SLC35A1: variants seen among roughly 807,000 people sequenced by gnomAD.
The protein encoded by SLC35A1 is CMP-sialic acid transporter.
Under a neutral mutation model 40.3 loss-of-function variants are expected in SLC35A1, and 21 were observed. That is an observed-to-expected ratio of 0.52 (90% CI 0.37 to 0.75). The LOEUF is 0.75. SLC35A1 is among the 30% of genes least tolerant of loss of function. The pLI is 0.00. For synonymous variants in SLC35A1, 146 were observed against 147.3 expected, an observed-to-expected ratio of 0.99 and a Z score of 0.06; for missense variants, 297 against 382.1, an observed-to-expected ratio of 0.78 and a Z score of 1.86.
intron 2 of SLC35A1, chr6:87,488,622 AG>A: frequency 6.6e-6 from 1 of 152,246 alleles, no homozygotes; most frequent in Non-Finnish European, 1.5e-5. Flanking sequence ...TAAGCAGGCC[AG>A]GGTAGGTATA....
chr6:87,483,880 C>T (rs897373527), intron 2 of SLC35A1, among the ~76,000 whole-genome samples: 8 of 152,170 alleles, frequency 5.3e-5, no homozygotes, highest in African/African-American at 1.9e-4. Flanking sequence ...TGGTATAAAT[C>T]CCACAGCAGG....
Position 87,479,786 on chromosome 6 carries a change from TATTA to T in SLC35A1, c.194+2251_194+2254del, listed in dbSNP as rs528549065. On this transcript the variant is annotated intron_variant, in intron 2 of 7. Transcript: ENST00000369552. ...ATGTAGTTTATCCAATCTATGTTTT[TATTA>T]ATTGTGACCCACCAAAATATTGACT... is the stretch of plus-strand genomic sequence containing the variant. 2.0e-4 allele frequency among the ~76,000 whole-genome samples: 30 copies of T among 152,352 alleles called. 1 individual carries two copies. The highest frequency in any genetic ancestry group is 7.0e-4 in the African/African-American group (29 of 41,592).
chr6:87,483,887 C>T (rs998446733), intron 2 of SLC35A1, among the ~76,000 whole-genome samples: 2 of 152,182 alleles, frequency 1.3e-5, no homozygotes, highest in Admixed American at 1.3e-4. Context: ...AATCCCACAG[C>T]AGGATCCGCC....
chr6:87,506,758 G>C (rs1582195581), intron 5 of SLC35A1: 1 of 335,496 alleles, frequency 3.0e-6, no homozygotes, highest in Non-Finnish European at 5.7e-6. Context: ...TCTTCAGAAA[G>C]CCCTTTCCTT....
At chr6:87,496,545 G>A (rs913783929) in intron 2 of SLC35A1, among the ~76,000 whole-genome samples, 15 of 151,942 alleles carry the variant, frequency 9.9e-5, no homozygotes, top group East Asian at 1.9e-4. Flanking sequence ...TTGGGAGGCC[G>A]AGGTGGGTGG....
At chr6:87,503,263 T>TA (rs1323600024) in intron 4 of SLC35A1, among the ~76,000 whole-genome samples, 12 of 152,170 alleles carry the variant, frequency 7.9e-5, no homozygotes, top group African/African-American at 2.7e-4. Flanking sequence ...GCAGTCAAGA[T>TA]ACTGGCTAGG....
At chr6:87,490,083 G>T (rs1769502769) in intron 2 of SLC35A1, among the ~76,000 whole-genome samples, 1 of 151,714 alleles carries the variant, frequency 6.6e-6, no homozygotes, top group Admixed American at 6.6e-5. Context: ...ACAAAAATTA[G>T]CTGGGTGTGG....
At position 87,506,033 on chromosome 6, in the gene SLC35A1, CTTAAA is replaced by C. The variant is rs139019479; in HGVS notation, c.508-345_508-341del. ...ATTTTCAGGATTGATGCTATAAGCTCTTAAATTAGAGTGATAATAGAAATTAAAAT... is the reference window on the plus strand; with the variant it reads ...ATTTTCAGGATTGATGCTATAAGCTCTTAGAGTGATAATAGAAATTAAAAT... On this transcript the variant is annotated intron_variant, in intron 4 of 7. Coordinates refer to ENST00000369552, the MANE Select transcript of SLC35A1 (RefSeq NM_006416.5). 9.3e-3 allele frequency among the ~76,000 whole-genome samples: 1,410 copies of C among 152,228 alleles called. 22 individuals carry two copies. The highest frequency in any genetic ancestry group is 0.031 in the African/African-American group (1,303 of 41,530).
At chr6:87,508,136 T>C (rs1411634784) in intron 5 of SLC35A1, among the ~76,000 whole-genome samples, 1 of 152,152 alleles carries the variant, frequency 6.6e-6, no homozygotes, top group Non-Finnish European at 1.5e-5. Flanking sequence ...GTCTTACTGC[T>C]CTAATAAAGG....
chr6:87,490,696 A>C (rs1769525699), intron 2 of SLC35A1, among the ~76,000 whole-genome samples: 1 of 152,226 alleles, frequency 6.6e-6, no homozygotes, highest in Admixed American at 6.5e-5. Flanking sequence ...CAAGAAAACT[A>C]GGCAAAAAAT....
intron 1 of SLC35A1, among the ~76,000 whole-genome samples, chr6:87,474,411 A>G (rs957034728): frequency 9.9e-5 from 15 of 152,208 alleles, no homozygotes; most frequent in African/African-American, 3.4e-4. Context: ...CTTTTGGGGG[A>G]CATTTCCACA....
chr6:87,500,608 G>A lies in SLC35A1; in HGVS notation c.295G>A (p.Ala99Thr). Residue 99 changes from alanine (A) to threonine (T), a missense_variant, in exon 3 of 8, where the codon GCT becomes ACT. Physicochemically the swap from Ala to Thr is moderately conservative, Grantham distance 58 (BLOSUM62 0). Coordinates refer to ENST00000369552, the MANE Select transcript of SLC35A1 (RefSeq NM_006416.5). The stretch of plus-strand genomic sequence containing the variant: ...GTTAAGTGTGCCATCGTTAGTGTAT[G>A]CTGTTCAGAACAACATGGCTTTCCT... ...LKLSVPSLVY[A>T]VQNNMAFLAL... The A allele has an allele frequency of 6.2e-7, 1 of 1,614,170 alleles. No homozygotes were observed. The highest frequency in any genetic ancestry group is 8.5e-7 in the Non-Finnish European group (1 of 1,180,030).
At chr6:87,498,003 C>G (rs1161624708) in intron 2 of SLC35A1, among the ~76,000 whole-genome samples, 1 of 151,668 alleles carries the variant, frequency 6.6e-6, no homozygotes, top group African/African-American at 2.4e-5. Context: ...AGCTGGGATA[C>G]AGGTGTGAGC....
intron 2 of SLC35A1, among the ~76,000 whole-genome samples, chr6:87,490,865 A>G (rs1017564807): frequency 1.8e-4 from 28 of 152,234 alleles, no homozygotes; most frequent in African/African-American, 6.8e-4. Context: ...TACTCTGTAG[A>G]ATACCAACTA....
rs753549837 is a variant in SLC35A1, at chr6:87,472,984, C to T, written c.-20C>T. 2 of 664,970 alleles carry T rather than the reference C, an allele frequency of 3.0e-6. No homozygotes were observed. Among genetic ancestry groups the T allele is most frequent in the Admixed American group, 4.0e-5 (1 of 24,776 alleles). 41.2% of individuals were successfully genotyped at this position (664,970 alleles called of 1,614,324 possible). On this transcript the variant is annotated 5_prime_UTR_variant, in exon 1 of 8. Transcript: ENST00000369552. ...GCGGAGGGGGCGGGCGTCAGTTCCG[C>T]GGGGGGCTGTCGGGGAACCATGGCT... is the stretch of plus-strand genomic sequence containing the variant.
At chr6:87,483,785 A>G (rs1009088889) in intron 2 of SLC35A1, among the ~76,000 whole-genome samples, 1 of 152,008 alleles carries the variant, frequency 6.6e-6, no homozygotes, top group Non-Finnish European at 1.5e-5. Flanking sequence ...CCCCCTCTGA[A>G]GGTCCCTTGC....
intron 2 of SLC35A1, among the ~76,000 whole-genome samples, chr6:87,500,158 A>T (rs146953953): frequency 0.014 from 2,073 of 152,284 alleles, 22 homozygotes; most frequent in Non-Finnish European, 0.022. Context: ...AAAAGTAATC[A>T]GGGTGAACTT....
intron 1 of SLC35A1, 89 bp from the exon 2 acceptor site, chr6:87,477,273 G>C (rs1769103844): frequency 1.7e-6 from 2 of 1,209,150 alleles, no homozygotes; most frequent in African/African-American, 3.1e-5. Context: ...CTTGGAATTG[G>C]AAAGTATTTT....
At chr6:87,485,362 G>T (rs1758614883) in intron 2 of SLC35A1, among the ~76,000 whole-genome samples, 1 of 152,166 alleles carries the variant, frequency 6.6e-6, no homozygotes, top group Non-Finnish European at 1.5e-5. Context: ...TCATCTCACA[G>T]AAAGGATGAC....
Sources: allele counts gnomAD v4.1 joint callset (sites outside exome capture counted in the v4.1 genomes callset), GRCh38; gene constraint gnomAD v4.1.1; transcripts MANE v1.5; gene names NCBI Gene and HGNC (gene_info 2026-07-23, HGNC 2026-07-21).